The following PPP1R9A variants were observed in gnomAD, a reference collection of about 807,000 sequenced individuals.
The protein encoded by PPP1R9A is neurabin-1.
Under a neutral mutation model 141.9 loss-of-function variants are expected in PPP1R9A, and 59 were observed. The observed-to-expected ratio is 0.42, with a 90% CI of 0.34 to 0.52. The LOEUF (loss-of-function observed/expected upper bound fraction) is 0.52. PPP1R9A is among the 20% of genes least tolerant of loss of function. The probability of loss-of-function intolerance (pLI) is 0.10; values close to 1 mark genes in which losing one functional copy is unlikely to be tolerated. For missense variants in PPP1R9A, 1,444 were observed against 1,611.9 expected, an observed-to-expected ratio of 0.90 and a Z score of 1.78; for synonymous variants, 500 against 569.7, an observed-to-expected ratio of 0.88 and a Z score of 1.74.
At chr7:95,141,425 A>G (rs1826664909) in intron 4 of PPP1R9A, among the ~76,000 whole-genome samples, 1 of 152,324 alleles carries the variant, frequency 6.6e-6, no homozygotes, top group Middle Eastern at 3.4e-3. Flanking sequence ...CAAGAGTTAT[A>G]TAACCATCAC....
intron 2 of PPP1R9A, among the ~76,000 whole-genome samples, chr7:95,028,016 G>A (rs932007364): frequency 5.3e-5 from 8 of 152,004 alleles, no homozygotes; most frequent in East Asian, 1.9e-4. Flanking sequence ...ACATATATTC[G>A]TTTTCAGGAT....
At chr7:94,956,651 T>C (rs1527678) in intron 2 of PPP1R9A, among the ~76,000 whole-genome samples, 2 of 151,888 alleles carry the variant, frequency 1.3e-5, no homozygotes, top group Admixed American at 1.3e-4. Context: ...AAGGCTGCAG[T>C]GAGCTATGAT....
chr7:95,198,174 C>G (rs765352342), intron 5 of PPP1R9A, among the ~76,000 whole-genome samples, 175 bp from the exon 6 acceptor site: 3 of 152,068 alleles, frequency 2.0e-5, no homozygotes, highest in Non-Finnish European at 4.4e-5. Flanking sequence ...CTAAAAATCA[C>G]TTTAATTGCA....
intron 2 of PPP1R9A, among the ~76,000 whole-genome samples, chr7:95,063,080 T>C (rs1282589441): frequency 1.3e-5 from 2 of 152,164 alleles, no homozygotes; most frequent in Non-Finnish European, 2.9e-5. Flanking sequence ...TGCAGACCAG[T>C]ATTGATGTGA....
chr7:95,107,711 GT>G (rs1819751950), intron 2 of PPP1R9A, among the ~76,000 whole-genome samples: 1 of 152,052 alleles, frequency 6.6e-6, no homozygotes, highest in Non-Finnish European at 1.5e-5. Flanking sequence ...TTTATTATGT[GT>G]TTTGATATCC....
intron 2 of PPP1R9A, among the ~76,000 whole-genome samples, chr7:94,934,316 C>T (rs1485649557): frequency 6.6e-6 from 1 of 152,170 alleles, no homozygotes; most frequent in African/African-American, 2.4e-5. Context: ...AACAGCACAC[C>T]TGTAACAATT....
chr7:95,049,566 G>A (rs1393778195), intron 2 of PPP1R9A, among the ~76,000 whole-genome samples: 1 of 152,060 alleles, frequency 6.6e-6, no homozygotes, highest in African/African-American at 2.4e-5. Context: ...AGTTTACATT[G>A]GGGTTCACTG....
At position 95,295,385 on chromosome 7, in the gene PPP1R9A, G is replaced by T. The variant is rs541703059; in HGVS notation, c.*5082G>T. The T allele has an allele frequency of 6.6e-6, 1 of 152,450 alleles. No individual in the cohort carries two copies. Among genetic ancestry groups the T allele is most frequent in the Non-Finnish European group, 1.5e-5 (1 of 68,004 alleles). The allele number at this position is 152,450 out of a possible 1,614,324, so 9.4% of individuals were successfully genotyped here. ...GTAAGAAAATTTCCTCAAATATTTG[G>T]CTAATGCTTTGATGTCAAGATTGCA... is the stretch of plus-strand genomic sequence containing the variant. On this transcript the variant is annotated 3_prime_UTR_variant, in exon 20 of 20. Transcript: ENST00000433360.
At chr7:95,029,423 A>G (rs1006287175) in intron 2 of PPP1R9A, among the ~76,000 whole-genome samples, 2 of 152,230 alleles carry the variant, frequency 1.3e-5, no homozygotes, top group Admixed American at 6.5e-5. Flanking sequence ...AAACAATTAG[A>G]GAAATTGTGA....
chr7:95,148,987 A>AAT (rs1424463967), intron 4 of PPP1R9A, among the ~76,000 whole-genome samples: 1 of 152,070 alleles, frequency 6.6e-6, no homozygotes, highest in Non-Finnish European at 1.5e-5. Flanking sequence ...GATATATACA[A>AAT]ATATATATCA....
chr7:95,183,369 G>T (rs1283412181), intron 5 of PPP1R9A, among the ~76,000 whole-genome samples: 1 of 150,792 alleles, frequency 6.6e-6, no homozygotes, highest in East Asian at 2.0e-4. Context: ...CAAACTCCTG[G>T]CCTCAGGTGA....
chr7:95,288,101 AGCTTAATGCTCTCC>A (rs1200629708), intron 18 of PPP1R9A, among the ~76,000 whole-genome samples: 1 of 152,212 alleles, frequency 6.6e-6, no homozygotes, highest in Non-Finnish European at 1.5e-5. Flanking sequence ...AAGGCTTGAG[AGCTTAATGCTCTCC>A]TCTTGCAAGT....
chr7:95,127,677 C>T (rs982488862), intron 4 of PPP1R9A, among the ~76,000 whole-genome samples: 2 of 152,054 alleles, frequency 1.3e-5, no homozygotes, highest in African/African-American at 4.8e-5. Flanking sequence ...CTCTTGCTCT[C>T]CCCTCTATTA....
At chr7:95,243,189 T>C (rs1797693627) in intron 8 of PPP1R9A, among the ~76,000 whole-genome samples, 1 of 152,116 alleles carries the variant, frequency 6.6e-6, no homozygotes, top group Non-Finnish European at 1.5e-5. Context: ...CAAAGACACA[T>C]GACATCTGAT....
chr7:94,928,366 G>A (rs1320557152), intron 2 of PPP1R9A, among the ~76,000 whole-genome samples: 1 of 152,106 alleles, frequency 6.6e-6, no homozygotes, highest in Non-Finnish European at 1.5e-5. Flanking sequence ...AGGGATAGAT[G>A]ACATCATCAC....
chr7:95,280,550 A>G (rs934643103), intron 16 of PPP1R9A, among the ~76,000 whole-genome samples: 3 of 152,258 alleles, frequency 2.0e-5, no homozygotes, highest in Admixed American at 1.3e-4. Context: ...AAATGCCAGG[A>G]AACAGCTACC....
At chr7:94,994,691 TGA>T (rs1801945025) in intron 2 of PPP1R9A, among the ~76,000 whole-genome samples, 2 of 151,818 alleles carry the variant, frequency 1.3e-5, no homozygotes, top group Non-Finnish European at 1.5e-5. Flanking sequence ...GTCAAGAGAT[TGA>T]GACCATCCTG....
intron 2 of PPP1R9A, among the ~76,000 whole-genome samples, chr7:95,028,757 A>G (rs144368523): frequency 3.1e-4 from 47 of 152,330 alleles, no homozygotes; most frequent in African/African-American, 9.6e-4. Context: ...AACAAATTCC[A>G]TAGACAGATG....
chr7:95,203,675 C>T lies in PPP1R9A; in HGVS notation c.1901C>T (p.Ala634Val). The change falls in exon 7 of 20, where the codon GCT becomes GTT. Residue 634 changes from alanine (A) to valine (V), a missense_variant. This residue lies in a region of PPP1R9A where 488 missense variants were observed against 542.0 expected (regional missense o/e 0.90). Transcript: ENST00000433360. ...YDADDDENTV[A>V]ELQGMSGNCN... Reference sequence around the variant, plus strand: ...TGTCAACCATTTTAGAACACTGTGGCTGAATTGCAAGGAATGTCTGGCAAC... The same window carrying T: ...TGTCAACCATTTTAGAACACTGTGGTTGAATTGCAAGGAATGTCTGGCAAC... The T allele has an allele frequency of 6.5e-7, 1 of 1,536,424 alleles. No individual in the cohort carries two copies. Among genetic ancestry groups the T allele is most frequent in the Non-Finnish European group, 8.7e-7 (1 of 1,146,308 alleles).
Sources: allele counts gnomAD v4.1 joint callset (sites outside exome capture counted in the v4.1 genomes callset), GRCh38; gene constraint gnomAD v4.1.1; regional missense constraint gnomAD v4.1.1; transcripts MANE v1.5; gene names NCBI Gene and HGNC (gene_info 2026-07-23, HGNC 2026-07-21).